Variants in CLIC5 observed in about 807,000 individuals in gnomAD.
CLIC5 encodes the protein chloride intracellular channel protein 5.
Under a neutral mutation model 24.7 loss-of-function variants are expected in CLIC5, and 20 were observed. The ratio of observed to expected loss-of-function variants is 0.81; its 90% confidence interval spans 0.57 to 1.18. The LOEUF is 1.18. Among genes scored for constraint, CLIC5 ranks in the 50% most tolerant of loss-of-function variants. The probability of loss-of-function intolerance (pLI) is 0.00; values close to 1 mark genes in which losing one functional copy is unlikely to be tolerated. For synonymous variants in CLIC5, 159 were observed against 135.6 expected (o/e 1.17, Z -1.20); for missense variants, 341 against 326.1 (o/e 1.05, Z -0.35).
At chr6:46,018,353 T>C (rs1767080136), upstream of CLIC5, among the ~76,000 whole-genome samples, 1 of 152,256 alleles carries the variant, frequency 6.6e-6, no homozygotes, top group Non-Finnish European at 1.5e-5. Flanking sequence ...GAGTTAACTT[T>C]CATTTTATCT....
intron 1 of CLIC5, among the ~76,000 whole-genome samples, chr6:45,970,236 G>A (rs1004507085): frequency 6.6e-6 from 1 of 152,190 alleles, no homozygotes; most frequent in Non-Finnish European, 1.5e-5. Flanking sequence ...TTACAGTGAA[G>A]ACTGTGGTTA....
intron 4 of CLIC5, among the ~76,000 whole-genome samples, chr6:45,929,160 G>A (rs1431023396): frequency 1.3e-5 from 2 of 150,486 alleles, no homozygotes; most frequent in Non-Finnish European, 3.0e-5. Flanking sequence ...AACAGGCCAC[G>A]CCACCACCAA....
the CLIC5 span, among the ~76,000 whole-genome samples, chr6:46,085,489 AACAG>A: frequency 6.6e-6 from 1 of 152,178 alleles, no homozygotes; most frequent in Non-Finnish European, 1.5e-5. Flanking sequence ...TTTTCCTTCT[AACAG>A]ACAGGACCCT....
intron 1 of CLIC5, among the ~76,000 whole-genome samples, chr6:46,072,228 A>C (rs992499743): frequency 1.4e-5 from 2 of 147,508 alleles, no homozygotes; most frequent in African/African-American, 4.9e-5. Context: ...GTACCCCTGA[A>C]CTTAAAAGAA....
intron 4 of CLIC5, among the ~76,000 whole-genome samples, chr6:45,916,358 G>A (rs1199224866): frequency 3.3e-5 from 5 of 152,282 alleles, no homozygotes; most frequent in Non-Finnish European, 5.9e-5. Flanking sequence ...CAAAGGCAAT[G>A]GCAGAGGGTG....
rs554098333 is a variant in CLIC5 at position 46,079,606 on chromosome 6, TG to T, written c.540+96del. On this transcript the variant is annotated intron_variant, in intron 1 of 5. Coordinates refer to the CLIC5 transcript ENST00000185206. ...AATATGTATTGAGATCCAAGGACCA[TG>T]GCATTATGAATCTTTCCCTGGTCAT... 3.7e-4 allele frequency: 379 copies of T among 1,012,304 alleles called. 1 individual carries two copies. The highest frequency in any genetic ancestry group is 5.0e-4 in the Non-Finnish European group (345 of 689,776). 62.7% of individuals were successfully genotyped at this position (1,012,304 alleles called of 1,614,324 possible).
intron 1 of CLIC5, among the ~76,000 whole-genome samples, chr6:45,965,332 A>G (rs1443021060): frequency 6.6e-6 from 1 of 152,074 alleles, no homozygotes; most frequent in Non-Finnish European, 1.5e-5. Context: ...CCCTCCAACC[A>G]AACACCTTTT....
chr6:46,095,297 C>T, the CLIC5 span, among the ~76,000 whole-genome samples: 6 of 152,124 alleles, frequency 3.9e-5, no homozygotes, highest in East Asian at 1.2e-3. Flanking sequence ...ATGCAAATTT[C>T]TGCAGCCTGC....
chr6:45,997,527 A>AG, intron 1 of CLIC5, among the ~76,000 whole-genome samples: 1 of 150,112 alleles, frequency 6.7e-6, no homozygotes, highest in Admixed American at 6.6e-5. Context: ...AAAAAAAAAA[A>AG]GAAAGCCAGT....
At chr6:46,127,142 A>G in the CLIC5 span, among the ~76,000 whole-genome samples, 1 of 152,212 alleles carries the variant, frequency 6.6e-6, no homozygotes, top group East Asian at 1.9e-4. Flanking sequence ...CAGATGTGAT[A>G]TTTTGTTACA....
chr6:46,004,777 C>T (rs1384740844), intron 1 of CLIC5, among the ~76,000 whole-genome samples: 4 of 152,152 alleles, frequency 2.6e-5, no homozygotes, highest in African/African-American at 4.8e-5. Flanking sequence ...CATAACTTTC[C>T]CTACACAGCT....
intron 1 of CLIC5, among the ~76,000 whole-genome samples, chr6:45,979,561 A>G (rs963133612): frequency 2.6e-5 from 4 of 152,250 alleles, no homozygotes; most frequent in African/African-American, 9.6e-5. Context: ...TGACAAGATT[A>G]GATATTCCTA....
chr6:46,078,857 G>T (rs943607348), intron 1 of CLIC5, among the ~76,000 whole-genome samples: 3 of 152,146 alleles, frequency 2.0e-5, no homozygotes, highest in Non-Finnish European at 4.4e-5. Context: ...CTGGGAACTG[G>T]GGAAGAGAGA....
intron 3 of CLIC5, among the ~76,000 whole-genome samples, 197 bp downstream of exon 3, chr6:45,949,057 CTT>C (rs1159031563): frequency 1.3e-5 from 2 of 152,204 alleles, no homozygotes; most frequent in Non-Finnish European, 2.9e-5. Flanking sequence ...CATATCTACT[CTT>C]GAGTGGATTT....
At chr6:45,934,914 C>T (rs1763874583) in intron 4 of CLIC5, among the ~76,000 whole-genome samples, 1 of 152,158 alleles carries the variant, frequency 6.6e-6, no homozygotes, top group Admixed American at 6.5e-5. Flanking sequence ...TCAAGATGCA[C>T]ATTAGATCCA....
chr6:46,108,652 C>T, the CLIC5 span, among the ~76,000 whole-genome samples: 20 of 152,192 alleles, frequency 1.3e-4, no homozygotes, highest in East Asian at 3.5e-3. Context: ...CCAGCCTTGA[C>T]CTCCCAAAGT....
At position 45,901,249 on chromosome 6, in the gene CLIC5, G is replaced by C. The variant is rs1762504420; in HGVS notation, c.*1839C>G. The C allele has an allele frequency of 1.3e-5, 2 of 152,114 alleles. No homozygotes were observed. The highest frequency in any genetic ancestry group is 1.3e-4 in the Admixed American group (2 of 15,274). 9.4% of individuals were successfully genotyped at this position (152,114 alleles called of 1,614,324 possible). On this transcript the variant is annotated 3_prime_UTR_variant, in exon 6 of 6. Transcript: ENST00000339561. Reference sequence around the variant, plus strand: ...CACAATTTCCAGGGGGACCTGGAAAGGTTCCTTTTGAGGTGGAAATGAATC... The same window carrying C: ...CACAATTTCCAGGGGGACCTGGAAACGTTCCTTTTGAGGTGGAAATGAATC...
intron 1 of CLIC5, among the ~76,000 whole-genome samples, chr6:46,022,476 C>T (rs1767212097): frequency 6.6e-6 from 1 of 152,110 alleles, no homozygotes; most frequent in Non-Finnish European, 1.5e-5. Context: ...GACATTATGC[C>T]CTTGTGGGAG....
chr6:45,909,842 C>T (rs1762767840), intron 5 of CLIC5, among the ~76,000 whole-genome samples: 2 of 152,184 alleles, frequency 1.3e-5, no homozygotes, highest in Non-Finnish European at 2.9e-5. Context: ...CTTTCATTTT[C>T]AGAGAGGGCC....
Sources: allele counts gnomAD v4.1 joint callset (sites outside exome capture counted in the v4.1 genomes callset), GRCh38; gene constraint gnomAD v4.1.1; transcripts MANE v1.5; gene names NCBI Gene and HGNC (gene_info 2026-07-23, HGNC 2026-07-21).